The following FLNB variants were observed in gnomAD, a reference collection of about 807,000 sequenced individuals.
FLNB encodes filamin-B.
Under a neutral mutation model 250.6 loss-of-function variants are expected in FLNB, and 111 were observed. That is an observed-to-expected ratio of 0.44 (90% CI 0.38 to 0.52). The LOEUF is 0.52. Ranked by LOEUF, FLNB falls within the 20% of genes least tolerant of loss-of-function variation. The pLI is 0.00. For synonymous variants in FLNB, 1,302 were observed against 1,372.1 expected (o/e 0.95, Z 1.13); for missense variants, 2,869 against 3,447.8 (o/e 0.83, Z 4.20).
At position 58,124,445 on chromosome 3, in the gene FLNB, T is replaced by G; in HGVS notation, c.3838T>G (p.Cys1280Gly). 1.2e-6 allele frequency: 2 copies of G among 1,614,104 alleles called. No homozygotes were observed. The highest frequency in any genetic ancestry group is 1.3e-5 in the African/African-American group (1 of 75,026). ...IANPSGASTE[C>G]FVTDNADGTY... ...CAACCCCTCAGGGGCCTCCACCGAG[T>G]GCTTTGTCACAGACAATGCGGATGG... is the stretch of plus-strand genomic sequence containing the variant. The change falls in exon 22 of 46, where the codon TGC becomes GGC. Residue 1280 changes from cysteine (C) to glycine (G), a missense_variant. Cys to Gly is a radical substitution (Grantham distance 159). Around this residue, in one of 5 missense-constraint regions of FLNB, gnomAD observed 1,348 missense variants for 1,466.7 expected, o/e 0.92. Transcript: ENST00000295956.
At chr3:58,154,544 CAAA>C (rs71625606) in intron 39 of FLNB, 2,875 of 295,830 alleles carry the variant, frequency 9.7e-3, no homozygotes, top group Middle Eastern at 0.014. Context: ...GACTCCGTCT[CAAA>C]AAAAAAAAAA....
chr3:58,117,255 C>A (rs1418462244), intron 18 of FLNB, among the ~76,000 whole-genome samples: 1 of 152,172 alleles, frequency 6.6e-6, no homozygotes, highest in Non-Finnish European at 1.5e-5. Flanking sequence ...ATGCTGTAGG[C>A]ATTGTAGGTG....
intron 12 of FLNB, among the ~76,000 whole-genome samples, chr3:58,108,074 T>C (rs1279403043): frequency 6.6e-6 from 1 of 150,398 alleles, no homozygotes; most frequent in East Asian, 2.6e-4. Context: ...AGAAGAATTG[T>C]CTTGGGCCAC....
Position 58,164,586 on chromosome 3 carries a change from G to C in FLNB, c.7198+1256G>C, listed in dbSNP as rs1167180611. On this transcript the variant is annotated intron_variant, in intron 43 of 45. Transcript: ENST00000295956. This position sits in a 1 kb window ranked among gnomAD's most constrained non-coding sequence, Gnocchi z 4.0. ...CTGTGTGGCCAAGGGGCCCTCTCCGGGTGCAGGAGTGACTGGTGGGCTGGC... is the reference window on the plus strand; with the variant it reads ...CTGTGTGGCCAAGGGGCCCTCTCCGCGTGCAGGAGTGACTGGTGGGCTGGC... 6.6e-6 allele frequency: 1 copy of C among 152,242 alleles called. No homozygotes were observed. The highest frequency in any genetic ancestry group is 1.9e-4 in the East Asian group (1 of 5,174). 9.4% of individuals were successfully genotyped at this position (152,242 alleles called of 1,614,324 possible).
At chr3:58,160,458 G>C (rs568266085) in intron 42 of FLNB, among the ~76,000 whole-genome samples, 8 of 152,148 alleles carry the variant, frequency 5.3e-5, no homozygotes, top group East Asian at 1.9e-4. Context: ...TTTAGTGAAG[G>C]CCTGGCCAAA....
In FLNB at chr3:58,130,920, C is replaced by A. The variant is rs1295112898; in HGVS notation, c.4390+12C>A. On this transcript the variant is annotated intron_variant, in intron 25 of 45. Coordinates refer to ENST00000295956, the MANE Select transcript of FLNB (RefSeq NM_001457.4). Reference sequence around the variant, plus strand: ...TCTGGGCCCACGAGGTAAGTGTGCACCCTGCCTTCCTGCAGACATTCATCT... The same window carrying A: ...TCTGGGCCCACGAGGTAAGTGTGCAACCTGCCTTCCTGCAGACATTCATCT... The A allele has an allele frequency of 6.2e-7, 1 of 1,606,866 alleles. No individual in the cohort carries two copies. Among genetic ancestry groups the A allele is most frequent in the South Asian group, 1.1e-5 (1 of 89,710 alleles).
chr3:58,055,402 G>T (rs537287089), intron 1 of FLNB, among the ~76,000 whole-genome samples: 2 of 152,312 alleles, frequency 1.3e-5, no homozygotes, highest in Non-Finnish European at 2.9e-5. Flanking sequence ...AGGATAACTC[G>T]TGGTGGTGGG....
At chr3:58,168,982 A>T (rs886663678) in intron 44 of FLNB, 3 of 355,934 alleles carry the variant, frequency 8.4e-6, no homozygotes, top group Non-Finnish European at 1.6e-5. Context: ...CACTTGAAAA[A>T]TAATCAAAAA....
At chr3:58,120,722 G>A (rs2097287358) in intron 19 of FLNB, among the ~76,000 whole-genome samples, 1 of 152,192 alleles carries the variant, frequency 6.6e-6, no homozygotes, top group African/African-American at 2.4e-5. Context: ...TTATGAGGGT[G>A]TTTGGATATC....
chr3:58,121,347 A>C lies in FLNB; in HGVS notation c.2970A>C (p.Pro990=). 6.2e-7 allele frequency: 1 copy of C among 1,614,194 alleles called. No individual in the cohort carries two copies. Among genetic ancestry groups the C allele is most frequent in the Non-Finnish European group, 8.5e-7 (1 of 1,180,034 alleles). The part of the protein sequence containing the change: ...TILSPSRKVV[P]CLVTPVTGRE... ...TCAGCCCCTCTCGGAAGGTCGTGCC[A>C]TGCCTAGTGACACCTGTGACAGGCC... The change falls in exon 20 of 46, where the codon CCA becomes CCC. Residue 990 remains proline, a synonymous_variant. Coordinates refer to ENST00000295956, the MANE Select transcript of FLNB (RefSeq NM_001457.4).
chr3:58,126,102 T>C (rs1218203811), intron 23 of FLNB, among the ~76,000 whole-genome samples: 1 of 152,136 alleles, frequency 6.6e-6, no homozygotes, highest in Non-Finnish European at 1.5e-5. Context: ...ATAGGCTGGG[T>C]GTGGCGGCTC....
At chr3:58,140,459 A>T (rs2097324945) in intron 29 of FLNB, among the ~76,000 whole-genome samples, 1 of 152,214 alleles carries the variant, frequency 6.6e-6, no homozygotes, top group Non-Finnish European at 1.5e-5. Flanking sequence ...GCCTTTCTGC[A>T]GATCCCAAGA....
At chr3:58,031,688 A>T (rs189793260) in intron 1 of FLNB, among the ~76,000 whole-genome samples, 25 of 150,546 alleles carry the variant, frequency 1.7e-4, no homozygotes, top group Non-Finnish European at 2.2e-4. Context: ...AGTAGCTGGG[A>T]CTACAGGTAT....
chr3:58,049,301 G>A (rs2097158707), intron 1 of FLNB, among the ~76,000 whole-genome samples: 1 of 152,242 alleles, frequency 6.6e-6, no homozygotes, highest in Admixed American at 6.5e-5. Flanking sequence ...GGTGTTTGCA[G>A]CTGCGAGAAG....
intron 1 of FLNB, among the ~76,000 whole-genome samples, chr3:58,066,442 C>T (rs1399427963): frequency 1.3e-5 from 2 of 152,164 alleles, no homozygotes; most frequent in Admixed American, 6.5e-5. Flanking sequence ...TGGTCTCGAA[C>T]TCCTGACCTC....
intron 1 of FLNB, among the ~76,000 whole-genome samples, chr3:58,025,374 C>G (rs2106733377): frequency 6.6e-6 from 1 of 152,176 alleles, no homozygotes; most frequent in South Asian, 2.1e-4. Flanking sequence ...AAGTGATACT[C>G]CCTCCTCAGC....
At chr3:58,136,673 G>C (rs898871330) in intron 28 of FLNB, among the ~76,000 whole-genome samples, 2 of 144,796 alleles carry the variant, frequency 1.4e-5, no homozygotes, top group African/African-American at 5.2e-5. Context: ...AGTTTCTTTG[G>C]TTTCTTTCTT....
chr3:58,029,791 G>C (rs539828406), intron 1 of FLNB, among the ~76,000 whole-genome samples: 30 of 152,258 alleles, frequency 2.0e-4, no homozygotes, highest in South Asian at 8.3e-4. Flanking sequence ...GGGATTATAG[G>C]GGGGAGCCAC....
chr3:58,097,895 T>C lies in FLNB; in HGVS notation c.1065T>C (p.Ser355=). 1 of 1,614,114 alleles carries C rather than the reference T, an allele frequency of 6.2e-7. No homozygotes were observed. The change falls in exon 7 of 46, where the codon AGT becomes AGC. Residue 355 remains serine (S), a synonymous_variant. Transcript: ENST00000295956. ...TTGACAAGGCCCAGGGAGATGCCAG[T>C]AAAGTCACTGCAAAAGGTCCAGGGT... ...VSVDKAQGDA[S]KVTAKGPGLE...
Sources: allele counts gnomAD v4.1 joint callset (sites outside exome capture counted in the v4.1 genomes callset), GRCh38; gene constraint gnomAD v4.1.1; regional missense constraint gnomAD v4.1.1; non-coding constraint Gnocchi (gnomAD v3.1); transcripts MANE v1.5; gene names NCBI Gene and HGNC (gene_info 2026-07-23, HGNC 2026-07-21).